The following CACNA1D variants were observed in gnomAD, a reference collection of about 807,000 sequenced individuals.
The protein encoded by CACNA1D is calcium voltage-gated channel subunit alpha1 D, also known as voltage-dependent L-type calcium channel subunit alpha-1D.
Under a neutral mutation model 257.1 loss-of-function variants are expected in CACNA1D, and 55 were observed. The ratio of observed to expected loss-of-function variants is 0.21; its 90% confidence interval spans 0.17 to 0.27. CACNA1D has a LOEUF of 0.27. Ranked by LOEUF, CACNA1D falls within the 10% of genes least tolerant of loss-of-function variation. The probability of loss-of-function intolerance (pLI) is 1.00; values close to 1 mark genes in which losing one functional copy is unlikely to be tolerated. For synonymous variants in CACNA1D, 980 were observed against 1,014.9 expected (o/e 0.97, Z 0.65); for missense variants, 1,876 against 2,784.0 (o/e 0.67, Z 7.34).
chr3:53,798,820 C>T (rs1202158823), intron 40 of CACNA1D, among the ~76,000 whole-genome samples: 1 of 152,182 alleles, frequency 6.6e-6, no homozygotes, highest in East Asian at 1.9e-4. Flanking sequence ...TGGGACCCAG[C>T]CCTGATGGAT....
chr3:53,781,903 C>T, intron 39 of CACNA1D: 1 of 523,810 alleles, frequency 1.9e-6, no homozygotes, highest in Non-Finnish European at 3.4e-6. Flanking sequence ...ATGGCTGGAG[C>T]AGGGATTTTC....
In CACNA1D at chr3:53,753,239, T is replaced by G. The variant is rs186964090; in HGVS notation, c.3676-333T>G. Among the ~76,000 whole-genome samples, 11 of 152,352 alleles carry G rather than the reference T, an allele frequency of 7.2e-5. No homozygotes were observed. In the East Asian group the frequency reaches 1.9e-3, roughly 27 times the overall value. ...ATCCCTAACCAAATTCTACCTCTATTCATAGACATTTTGGTGGTATCTGCA... is the reference window on the plus strand; with the variant it reads ...ATCCCTAACCAAATTCTACCTCTATGCATAGACATTTTGGTGGTATCTGCA... On this transcript the variant is annotated intron_variant, in intron 28 of 47. Transcript: ENST00000350061.
intron 15 of CACNA1D, among the ~76,000 whole-genome samples, chr3:53,728,797 T>C (rs971061207): frequency 6.6e-6 from 1 of 152,220 alleles, no homozygotes; most frequent in African/African-American, 2.4e-5. Flanking sequence ...TTTCTTCCTG[T>C]GCCCTCAGCA....
chr3:53,704,944 A>G (rs2094670860), intron 9 of CACNA1D, among the ~76,000 whole-genome samples: 1 of 152,212 alleles, frequency 6.6e-6, no homozygotes, highest in African/African-American at 2.4e-5. Context: ...TATAGGGCCT[A>G]TGATTTGAGG....
chr3:53,627,398 G>A (rs558482013), intron 3 of CACNA1D, among the ~76,000 whole-genome samples: 55 of 152,328 alleles, frequency 3.6e-4, no homozygotes, highest in African/African-American at 1.2e-3. Flanking sequence ...GCGGAGCAGC[G>A]GTTCAGGACT....
At chr3:53,708,123 C>G (rs1263819310) in intron 9 of CACNA1D, among the ~76,000 whole-genome samples, 1 of 152,216 alleles carries the variant, frequency 6.6e-6, no homozygotes, top group Admixed American at 6.5e-5. Flanking sequence ...TTGCCTCTTA[C>G]TGCAATGTTT....
rs2090300630 is a variant in CACNA1D, at chr3:53,495,404, C to T, written c.67+171C>T. Among the ~76,000 whole-genome samples, 1 of 152,208 alleles carries T rather than the reference C, an allele frequency of 6.6e-6. No individual in the cohort carries two copies. Among genetic ancestry groups the T allele is most frequent in the African/African-American group, 2.4e-5 (1 of 41,452 alleles). On this transcript the variant is annotated intron_variant, in intron 1 of 47. Transcript: ENST00000350061. This position sits in a 1 kb window ranked among gnomAD's most constrained non-coding sequence, Gnocchi z 5.1. ...CATGCGTGACAGCCACTCCGCGCTC[C>T]CCTCCAGGCCCTGAATGTCAGAGTT...
At chr3:53,589,799 G>A (rs1182063166) in intron 3 of CACNA1D, among the ~76,000 whole-genome samples, 1 of 152,118 alleles carries the variant, frequency 6.6e-6, no homozygotes, top group East Asian at 1.9e-4. Flanking sequence ...CCATATGGAT[G>A]TCCCATCTAA....
intron 46 of CACNA1D, 124 bp downstream of exon 46, chr3:53,808,894 C>T (rs7637792): frequency 1.0e-6 from 1 of 978,342 alleles, no homozygotes; most frequent in Non-Finnish European, 1.5e-6. Context: ...CACCTACAGT[C>T]TAGTTAATCT....
At chr3:53,563,715 C>A (rs570455210) in intron 3 of CACNA1D, among the ~76,000 whole-genome samples, 1 of 152,076 alleles carries the variant, frequency 6.6e-6, no homozygotes. Flanking sequence ...TTAGATTTAT[C>A]GGTAATTCAT....
At chr3:53,577,340 T>C (rs2093055234) in intron 3 of CACNA1D, among the ~76,000 whole-genome samples, 1 of 152,134 alleles carries the variant, frequency 6.6e-6, no homozygotes, top group Non-Finnish European at 1.5e-5. Flanking sequence ...GGAGGAGCTG[T>C]CTCTTTCTTC....
At chr3:53,718,129 G>A (rs2094839683) in intron 9 of CACNA1D, among the ~76,000 whole-genome samples, 172 bp from the exon 10 acceptor site, 1 of 152,176 alleles carries the variant, frequency 6.6e-6, no homozygotes, top group South Asian at 2.1e-4. Flanking sequence ...CGCCTGCAGT[G>A]GAGATGCCTG....
At chr3:53,609,926 G>T (rs1032538097) in intron 3 of CACNA1D, among the ~76,000 whole-genome samples, 1 of 152,062 alleles carries the variant, frequency 6.6e-6, no homozygotes, top group Non-Finnish European at 1.5e-5. Context: ...CCTATGCTCA[G>T]TTTTTTTGGT....
chr3:53,510,069 T>A (rs1230615585), intron 3 of CACNA1D, among the ~76,000 whole-genome samples: 1 of 152,206 alleles, frequency 6.6e-6, no homozygotes, highest in African/African-American at 2.4e-5. Context: ...GTTTTCATAT[T>A]TTGCATTCTT....
At chr3:53,580,434 G>A (rs1458960333) in intron 3 of CACNA1D, among the ~76,000 whole-genome samples, 1 of 152,188 alleles carries the variant, frequency 6.6e-6, no homozygotes, top group Non-Finnish European at 1.5e-5. Context: ...CAGATGCTTG[G>A]CCATCTCCTC....
chr3:53,776,079 A>G, intron 35 of CACNA1D, 34 bp downstream of exon 35: 1 of 1,591,404 alleles, frequency 6.3e-7, no homozygotes, highest in South Asian at 1.1e-5. Context: ...CTCTCAATTT[A>G]CAGATGCTTA....
intron 5 of CACNA1D, among the ~76,000 whole-genome samples, chr3:53,662,958 G>A (rs764606937): frequency 3.9e-5 from 6 of 152,186 alleles, no homozygotes; most frequent in Non-Finnish European, 7.3e-5. Flanking sequence ...GGATTGGAAC[G>A]GGTGTCGTCT....
At position 53,732,799 on chromosome 3, in the gene CACNA1D, A is replaced by C. The variant is rs755510846; in HGVS notation, c.2474-16A>C. On this transcript the variant is annotated splice_polypyrimidine_tract_variant and intron_variant, in intron 18 of 47. Coordinates refer to ENST00000350061, the MANE Select transcript of CACNA1D (RefSeq NM_001128840.3). Reference sequence around the variant, plus strand: ...GTCTTTATTTCATGCCTATAAAAAAAGTATTTCATTTAAAGTAGGGGAAGA... The same window carrying C: ...GTCTTTATTTCATGCCTATAAAAAACGTATTTCATTTAAAGTAGGGGAAGA... The C allele has an allele frequency of 1.9e-6, 3 of 1,609,730 alleles. No individual in the cohort carries two copies. Among genetic ancestry groups the C allele is most frequent in the African/African-American group, 1.3e-5 (1 of 74,944 alleles).
chr3:53,561,875 T>C (rs2092746723), intron 3 of CACNA1D, among the ~76,000 whole-genome samples: 1 of 152,252 alleles, frequency 6.6e-6, no homozygotes, highest in Non-Finnish European at 1.5e-5. Flanking sequence ...TTTTGTTCAT[T>C]CTATAATTTT....
Sources: allele counts gnomAD v4.1 joint callset (sites outside exome capture counted in the v4.1 genomes callset), GRCh38; gene constraint gnomAD v4.1.1; non-coding constraint Gnocchi (gnomAD v3.1); transcripts MANE v1.5; gene names NCBI Gene and HGNC (gene_info 2026-07-23, HGNC 2026-07-21).